Variants in DTNBP1 observed in about 807,000 individuals in gnomAD.
DTNBP1 encodes the protein dysbindin.
DTNBP1 carries 35 observed loss-of-function variants against 42.8 expected under a neutral mutation model. That is an observed-to-expected ratio of 0.82 (90% CI 0.63 to 1.09). The LOEUF is 1.09. Among genes scored for constraint, DTNBP1 ranks in the 50% least tolerant of loss-of-function variants. The probability of loss-of-function intolerance (pLI) is 0.00; values close to 1 mark genes in which losing one functional copy is unlikely to be tolerated. For missense variants in DTNBP1, 457 were observed against 424.2 expected (o/e 1.08, Z -0.68); for synonymous variants, 171 against 162.2 (o/e 1.05, Z -0.41).
chr6:15,624,616 G>T (rs1396969669), intron 5 of DTNBP1, among the ~76,000 whole-genome samples: 2 of 152,190 alleles, frequency 1.3e-5, no homozygotes, highest in Admixed American at 6.5e-5. Flanking sequence ...AAAATGGAGG[G>T]ACTGACAGGA....
chr6:15,650,342 G>A (rs1447981841), intron 3 of DTNBP1, among the ~76,000 whole-genome samples: 7 of 152,008 alleles, frequency 4.6e-5, no homozygotes, highest in Non-Finnish European at 2.9e-5. Flanking sequence ...GCACGATCTC[G>A]GCTCACCGCA....
chr6:15,611,010 A>G (rs923983553), intron 6 of DTNBP1, among the ~76,000 whole-genome samples: 30 of 152,262 alleles, frequency 2.0e-4, no homozygotes, highest in African/African-American at 6.3e-4. Context: ...TCAACAGACA[A>G]AATAGACTTT....
intron 9 of DTNBP1, 128 bp from the exon 10 acceptor site, chr6:15,523,347 C>T (rs1368793378): frequency 1.4e-6 from 2 of 1,388,894 alleles, no homozygotes; most frequent in African/African-American, 1.4e-5. Context: ...CACCTGGGGC[C>T]TGCAGAACTT....
intron 5 of DTNBP1, among the ~76,000 whole-genome samples, 153 bp downstream of exon 5, chr6:15,627,190 C>T (rs540049908): frequency 3.9e-5 from 6 of 152,246 alleles, no homozygotes; most frequent in African/African-American, 1.4e-4. Flanking sequence ...TCTGTGGAAT[C>T]CTCAACTAAT....
intron 2 of DTNBP1, 76 bp downstream of exon 2, chr6:15,652,011 C>A: frequency 7.7e-7 from 1 of 1,290,608 alleles, no homozygotes; most frequent in Non-Finnish European, 1.1e-6. Flanking sequence ...ATTAATATAA[C>A]TACACAATTG....
At chr6:15,651,397 T>C in intron 2 of DTNBP1, 34 bp from the exon 3 acceptor site, 2 of 1,609,036 alleles carry the variant, frequency 1.2e-6, no homozygotes, top group Non-Finnish European at 1.7e-6. Flanking sequence ...AAACTGTTCT[T>C]GATTTAGCCA....
At chr6:15,560,026 G>A (rs577270983) in intron 7 of DTNBP1, among the ~76,000 whole-genome samples, 1 of 152,246 alleles carries the variant, frequency 6.6e-6, no homozygotes, top group African/African-American at 2.4e-5. Context: ...AAAAATGTGG[G>A]GCCAGGCGCA....
At chr6:15,637,709 GTT>G (rs1760110690) in intron 4 of DTNBP1, 33 bp downstream of exon 4, 1 of 1,610,216 alleles carries the variant, frequency 6.2e-7, no homozygotes, top group African/African-American at 1.3e-5. Flanking sequence ...AAAAAGGAAA[GTT>G]TGCCACGAGT....
chr6:15,606,201 TCA>T (rs1441620510), intron 6 of DTNBP1, among the ~76,000 whole-genome samples: 1 of 152,250 alleles, frequency 6.6e-6, no homozygotes, highest in East Asian at 1.9e-4. Context: ...GAAGCCACTG[TCA>T]CGTTTATTTT....
intron 8 of DTNBP1, among the ~76,000 whole-genome samples, chr6:15,528,399 C>T (rs999154548): frequency 2.0e-5 from 3 of 152,114 alleles, no homozygotes; most frequent in Non-Finnish European, 4.4e-5. Flanking sequence ...CCAGGCACGA[C>T]AACCAAAATG....
chr6:15,588,212 T>C (rs1478162208), intron 7 of DTNBP1, among the ~76,000 whole-genome samples: 1 of 152,244 alleles, frequency 6.6e-6, no homozygotes, highest in East Asian at 1.9e-4. Flanking sequence ...TGAATCTGTG[T>C]CTTTCCCTCC....
intron 7 of DTNBP1, among the ~76,000 whole-genome samples, chr6:15,574,738 GT>G: frequency 6.6e-6 from 1 of 152,220 alleles, no homozygotes; most frequent in African/African-American, 2.4e-5. Flanking sequence ...CAAAGGAAGA[GT>G]TTCTCTGGAA....
intron 4 of DTNBP1, among the ~76,000 whole-genome samples, chr6:15,630,412 C>T (rs1164823582): frequency 1.3e-5 from 2 of 152,192 alleles, no homozygotes; most frequent in African/African-American, 4.8e-5. Flanking sequence ...TCAAATTCAA[C>T]TGGCTTAATG....
Position 15,523,109 on chromosome 6 carries a change from G to A in DTNBP1, c.922C>T (p.Arg308Trp), listed in dbSNP as rs185009228. 23 of 1,614,232 alleles carry A rather than the reference G, an allele frequency of 1.4e-5. No homozygotes were observed. Among genetic ancestry groups the A allele is most frequent in the East Asian group, 2.2e-5 (1 of 44,882 alleles). ...SSSTCTDSAT[R>W]DISEGGESPV... is the part of the protein sequence containing the mutation. ...GACTCCCCACCCTCACTGATGTCCC[G>A]GGTGGCCGAGTCGGTGCAGGTGGAG... is the stretch of plus-strand genomic sequence containing the variant. The change falls in exon 10 of 10, where the codon CGG becomes TGG. Residue 308 changes from arginine to tryptophan, a missense_variant. Coordinates refer to ENST00000344537, the MANE Select transcript of DTNBP1 (RefSeq NM_032122.5).
intron 7 of DTNBP1, among the ~76,000 whole-genome samples, chr6:15,581,055 A>T (rs971147394): frequency 6.6e-6 from 1 of 152,206 alleles, no homozygotes; most frequent in Non-Finnish European, 1.5e-5. Context: ...CACCACGTAA[A>T]CACCTTCAGG....
chr6:15,580,428 T>G (rs1267972936), intron 7 of DTNBP1, among the ~76,000 whole-genome samples: 1 of 152,098 alleles, frequency 6.6e-6, no homozygotes, highest in Non-Finnish European at 1.5e-5. Flanking sequence ...CTGTAAAAAA[T>G]TGTGGCCCTA....
chr6:15,535,158 G>A (rs1472253913), intron 7 of DTNBP1, among the ~76,000 whole-genome samples: 1 of 152,114 alleles, frequency 6.6e-6, no homozygotes, highest in Non-Finnish European at 1.5e-5. Flanking sequence ...CACTAGATCT[G>A]ATGGTTGTGT....
chr6:15,620,267 A>T (rs1487867721), intron 5 of DTNBP1, among the ~76,000 whole-genome samples: 5 of 152,230 alleles, frequency 3.3e-5, no homozygotes, highest in Non-Finnish European at 7.3e-5. Context: ...ATTTTAGCCA[A>T]TAACTGTATT....
chr6:15,618,485 CAGCCACACAACAAACA>C (rs1244826842), intron 5 of DTNBP1, among the ~76,000 whole-genome samples: 1 of 151,266 alleles, frequency 6.6e-6, no homozygotes, highest in Non-Finnish European at 1.5e-5. Context: ...ATATGCAATA[CAGCCACACAACAAACA>C]AGCACATGTA....
Sources: gnomAD v4.1 joint callset for allele counts (sites outside exome capture counted in the v4.1 genomes callset) on GRCh38, gnomAD v4.1.1 for gene constraint, MANE v1.5 for transcripts, NCBI Gene and HGNC (gene_info 2026-07-23, HGNC 2026-07-21) for gene names.